Variants in CDA observed in about 807,000 individuals in gnomAD.
CDA encodes the protein cytidine deaminase.
In CDA, 7 loss-of-function variants were observed where a neutral mutation model predicts 15.0. That is an observed-to-expected ratio of 0.47 (90% CI 0.26 to 0.87). The LOEUF is 0.87. CDA is among the 40% of genes least tolerant of loss of function. CDA has a pLI of 0.15. For synonymous variants in CDA, 58 were observed against 73.0 expected (o/e 0.79, Z 1.05); for missense variants, 159 against 182.7 (o/e 0.87, Z 0.75).
chr1:20,602,083 T>G (rs1411002859), intron 1 of CDA, among the ~76,000 whole-genome samples: 1 of 139,318 alleles, frequency 7.2e-6, no homozygotes, highest in African/African-American at 2.7e-5. Flanking sequence ...ATCATGCCAC[T>G]GCACACCAGC....
intron 1 of CDA, among the ~76,000 whole-genome samples, chr1:20,594,526 G>T (rs1376422426): frequency 6.6e-6 from 1 of 151,854 alleles, no homozygotes; most frequent in Non-Finnish European, 1.5e-5. Context: ...GGTGGCTCAT[G>T]ACTGTAATCC....
At chr1:20,594,799 A>AAAG (rs1553142361) in intron 1 of CDA, among the ~76,000 whole-genome samples, 6 of 151,746 alleles carry the variant, frequency 4.0e-5, no homozygotes, top group Non-Finnish European at 7.4e-5. Context: ...AAAAAAAAAA[A>AAAG]AAAGAAAGAA....
chr1:20,611,324 G>A (rs1197768762), intron 2 of CDA, among the ~76,000 whole-genome samples: 1 of 152,220 alleles, frequency 6.6e-6, no homozygotes, highest in African/African-American at 2.4e-5. Flanking sequence ...GATGGTGGCT[G>A]CTGGCTTCAC....
chr1:20,615,372 C>T (rs987089483), intron 3 of CDA, among the ~76,000 whole-genome samples: 14 of 147,966 alleles, frequency 9.5e-5, no homozygotes, highest in African/African-American at 3.5e-4. Context: ...GGTGGCTCAG[C>T]CTGTAATCCC....
At chr1:20,612,155 G>C (rs1330100812) in intron 2 of CDA, among the ~76,000 whole-genome samples, 1 of 152,134 alleles carries the variant, frequency 6.6e-6, no homozygotes, top group African/African-American at 2.4e-5. Context: ...GAGCCACCAC[G>C]CCCAACCTGC....
chr1:20,613,426 A>ATCC (rs1278553589), intron 2 of CDA, among the ~76,000 whole-genome samples: 2 of 152,144 alleles, frequency 1.3e-5, no homozygotes, highest in African/African-American at 2.4e-5. Flanking sequence ...GCTGGTCTCG[A>ATCC]ACTCCTGCCC....
intron 1 of CDA, among the ~76,000 whole-genome samples, chr1:20,600,753 CAAAAAAAAAA>C (rs5772908): frequency 8.3e-6 from 1 of 121,128 alleles, no homozygotes; most frequent in Non-Finnish European, 1.7e-5. Context: ...GACTCTGTCT[CAAAAAAAAAA>C]AAAAAAGAAA....
chr1:20,603,147 C>T (rs184908237), intron 1 of CDA, among the ~76,000 whole-genome samples: 4 of 152,308 alleles, frequency 2.6e-5, no homozygotes, highest in Admixed American at 6.5e-5. Flanking sequence ...TTCTCCTTTG[C>T]GTTGCTCAAC....
At chr1:20,592,587 C>T (rs1191767269) in intron 1 of CDA, among the ~76,000 whole-genome samples, 1 of 152,118 alleles carries the variant, frequency 6.6e-6, no homozygotes, top group African/African-American at 2.4e-5. Flanking sequence ...AGGGCGGGGA[C>T]AGAGGAACAG....
intron 2 of CDA, among the ~76,000 whole-genome samples, chr1:20,611,618 A>T (rs2052751587): frequency 6.6e-6 from 1 of 151,720 alleles, no homozygotes; most frequent in Non-Finnish European, 1.5e-5. Context: ...TGACCTCATG[A>T]TCCACCCACC....
At chr1:20,603,505 C>T (rs911638191) in intron 1 of CDA, among the ~76,000 whole-genome samples, 2 of 152,192 alleles carry the variant, frequency 1.3e-5, no homozygotes, top group East Asian at 1.9e-4. Context: ...AAGCAACCTC[C>T]TTACCAAAAG....
intron 1 of CDA, among the ~76,000 whole-genome samples, chr1:20,595,439 C>G (rs919483185): frequency 3.9e-4 from 60 of 152,108 alleles, no homozygotes; most frequent in African/African-American, 1.2e-3. Flanking sequence ...TGACACCAGC[C>G]CCTCTCTTCA....
chr1:20,610,046 TTGG>T (rs2052732571), intron 2 of CDA, among the ~76,000 whole-genome samples: 1 of 2,636 alleles, frequency 3.8e-4, no homozygotes. Context: ...TGACGCATGG[TTGG>T]TTGGTTGGTT....
At chr1:20,616,891 T>C (rs990272856) in intron 3 of CDA, among the ~76,000 whole-genome samples, 87 of 152,294 alleles carry the variant, frequency 5.7e-4, no homozygotes, top group African/African-American at 1.9e-3. Flanking sequence ...AATAACTTGG[T>C]GATTCAGAGA....
chr1:20,599,508 T>G (rs921546826), intron 1 of CDA, among the ~76,000 whole-genome samples: 1 of 151,780 alleles, frequency 6.6e-6, no homozygotes, highest in Non-Finnish European at 1.5e-5. Context: ...TCCTACCTAC[T>G]TGGGAGGCTG....
chr1:20,608,495 C>T (rs757532500), intron 2 of CDA, among the ~76,000 whole-genome samples: 3 of 150,008 alleles, frequency 2.0e-5, no homozygotes, highest in African/African-American at 4.9e-5. Flanking sequence ...CTGCAACCTC[C>T]GCCTCCCAGG....
chr1:20,606,598 C>T (rs538729344), intron 2 of CDA, among the ~76,000 whole-genome samples: 1 of 152,190 alleles, frequency 6.6e-6, no homozygotes, highest in East Asian at 1.9e-4. Context: ...CTCAGCACTG[C>T]TCTCTCCTTC....
chr1:20,592,717 A>C (rs779437031), intron 1 of CDA, among the ~76,000 whole-genome samples: 1 of 152,194 alleles, frequency 6.6e-6, no homozygotes, highest in Non-Finnish European at 1.5e-5. Flanking sequence ...TTCTACTAGG[A>C]CTGGGACAGG....
intron 1 of CDA, among the ~76,000 whole-genome samples, chr1:20,594,790 A>G (rs1197410174): frequency 8.2e-6 from 1 of 121,488 alleles, no homozygotes; most frequent in East Asian, 2.1e-4. Context: ...CGCCATCTCA[A>G]AAAAAAAAAA....
Sources: gnomAD v4.1 joint callset for allele counts (sites outside exome capture counted in the v4.1 genomes callset) on GRCh38, gnomAD v4.1.1 for gene constraint, MANE v1.5 for transcripts, NCBI Gene and HGNC (gene_info 2026-07-23, HGNC 2026-07-21) for gene names.